LNPK: variants seen among roughly 807,000 people sequenced by gnomAD.
LNPK encodes lunapark, ER junction formation factor.
In LNPK, 29 loss-of-function variants were observed where a neutral mutation model predicts 55.2. The ratio of observed to expected loss-of-function variants is 0.53; its 90% CI spans 0.39 to 0.72. The LOEUF (loss-of-function observed/expected upper bound fraction) is 0.72, where lower values mean the gene tolerates loss of function less well. Among genes scored for constraint, LNPK ranks in the 30% least tolerant of loss-of-function variants. LNPK has a pLI of 0.00. For synonymous variants in LNPK, 162 were observed against 168.2 expected (o/e 0.96, Z 0.29); for missense variants, 467 against 494.8 (o/e 0.94, Z 0.53).
intron 1 of LNPK, among the ~76,000 whole-genome samples, chr2:175,997,707 G>A (rs908132534): frequency 7.7e-5 from 7 of 91,126 alleles, no homozygotes; most frequent in African/African-American, 2.2e-4. Context: ...CAAATGCTCT[G>A]TGTGTGTGTG....
At chr2:175,933,586 T>A (rs947303719) in intron 12 of LNPK, among the ~76,000 whole-genome samples, 2 of 152,136 alleles carry the variant, frequency 1.3e-5, no homozygotes, top group Non-Finnish European at 2.9e-5. Flanking sequence ...AACAAAGGTA[T>A]AAATTTCACC....
intron 10 of LNPK, among the ~76,000 whole-genome samples, chr2:175,939,206 T>TA (rs1456439326): frequency 6.6e-6 from 1 of 152,174 alleles, no homozygotes; most frequent in African/African-American, 2.4e-5. Context: ...AAAGTACTAC[T>TA]ATCACCAAGT....
At chr2:175,985,733 T>A (rs1345886846) in intron 4 of LNPK, among the ~76,000 whole-genome samples, 1 of 152,164 alleles carries the variant, frequency 6.6e-6, no homozygotes, top group Non-Finnish European at 1.5e-5. Flanking sequence ...ATTTATAAAT[T>A]AGGCATAGTA....
At chr2:175,962,907 C>T (rs1686121840) in intron 8 of LNPK, among the ~76,000 whole-genome samples, 1 of 150,244 alleles carries the variant, frequency 6.7e-6, no homozygotes, top group African/African-American at 2.5e-5. Flanking sequence ...CATGAACAGA[C>T]ACTTCTCAAA....
intron 12 of LNPK, 48 bp downstream of exon 12, chr2:175,937,296 T>C: frequency 6.5e-7 from 1 of 1,541,984 alleles, no homozygotes; most frequent in Non-Finnish European, 8.9e-7. Flanking sequence ...TTATTACTGT[T>C]AAATAACACA....
At chr2:175,960,197 C>G (rs1228492717) in intron 8 of LNPK, among the ~76,000 whole-genome samples, 2 of 152,150 alleles carry the variant, frequency 1.3e-5, no homozygotes, top group Non-Finnish European at 2.9e-5. Context: ...CTCAGCTCTG[C>G]ACCAAGCTGC....
chr2:175,930,275 AACACACACACACACACACACACACACAC>A (rs35338571), intron 12 of LNPK, 76 bp from the exon 13 acceptor site: 14 of 661,270 alleles, frequency 2.1e-5, no homozygotes, highest in South Asian at 3.7e-5. Flanking sequence ...AAAAAAGATA[AACACACACACACACACACACACACACAC>A]ACACACACAC....
chr2:175,935,159 A>C (rs1377523287), intron 12 of LNPK, among the ~76,000 whole-genome samples: 1 of 152,230 alleles, frequency 6.6e-6, no homozygotes, highest in Admixed American at 6.5e-5. Context: ...GTTTGGATGG[A>C]AGAAAGTTAT....
At chr2:175,943,920 T>C (rs1248431180) in intron 9 of LNPK, among the ~76,000 whole-genome samples, 1 of 152,110 alleles carries the variant, frequency 6.6e-6, no homozygotes, top group Non-Finnish European at 1.5e-5. Flanking sequence ...TACTGAAGGT[T>C]ATAGCTCATA....
intron 8 of LNPK, among the ~76,000 whole-genome samples, chr2:175,962,802 C>T (rs1453383429): frequency 7.2e-5 from 11 of 151,950 alleles, no homozygotes; most frequent in African/African-American, 2.7e-4. Context: ...TGCAATCTAC[C>T]CATCTGACAA....
chr2:175,928,418 G>A lies in LNPK; in HGVS notation c.*1549C>T, dbSNP rs552189180. On this transcript the variant is annotated 3_prime_UTR_variant, in exon 13 of 13. Coordinates refer to ENST00000272748, the MANE Select transcript of LNPK (RefSeq NM_030650.3). ...GTGAGTTTATAGGTGACTTGCCCAA[G>A]ACTACAGACCTGAAATTTAAGCCCA... The A allele has an allele frequency of 5.5e-5, 8 of 145,032 alleles. No homozygotes were observed. In the South Asian group the frequency reaches 6.6e-4, roughly 12 times the overall value. The allele number at this position is 145,032 out of a possible 1,614,324, so 9.0% of individuals were successfully genotyped here.
chr2:175,955,387 A>T (rs1192605288), intron 8 of LNPK, among the ~76,000 whole-genome samples: 1 of 152,202 alleles, frequency 6.6e-6, no homozygotes. Flanking sequence ...AACCACCTTG[A>T]TAGTAGATCC....
intron 5 of LNPK, among the ~76,000 whole-genome samples, chr2:175,975,956 T>C (rs533411106): frequency 7.2e-5 from 11 of 152,300 alleles, no homozygotes; most frequent in African/African-American, 2.6e-4. Context: ...GATGTTGCAG[T>C]GACCTGAGAT....
intron 6 of LNPK, among the ~76,000 whole-genome samples, chr2:175,965,357 T>A (rs1686272739): frequency 6.6e-6 from 1 of 152,336 alleles, no homozygotes; most frequent in East Asian, 1.9e-4. Context: ...TAGTAAAGTA[T>A]CACTAGCAGT....
At position 175,929,909 on chromosome 2, in the gene LNPK, C is replaced by A; in HGVS notation, c.*58G>T. ...AAAAAAGTAAGTGCCACCGAAAAAG[C>A]AATAACTGACATCAGTAAGACTATA... On this transcript the variant is annotated 3_prime_UTR_variant, in exon 13 of 13. Coordinates refer to ENST00000272748, the MANE Select transcript of LNPK (RefSeq NM_030650.3). 1 of 1,598,132 alleles carries A rather than the reference C, an allele frequency of 6.3e-7. No homozygotes were observed. The highest frequency in any genetic ancestry group is 8.5e-7 in the Non-Finnish European group (1 of 1,171,414).
At chr2:175,965,591 T>C (rs2105633864) in intron 6 of LNPK, among the ~76,000 whole-genome samples, 1 of 152,316 alleles carries the variant, frequency 6.6e-6, no homozygotes, top group Admixed American at 6.5e-5. Flanking sequence ...GAGTTAAAAA[T>C]ATGCTGCCAC....
chr2:175,990,321 CT>C (rs892745731), intron 4 of LNPK, among the ~76,000 whole-genome samples: 1 of 152,142 alleles, frequency 6.6e-6, no homozygotes, highest in Non-Finnish European at 1.5e-5. Context: ...GGCACCTCCC[CT>C]ATCTCTTGCT....
At chr2:175,959,913 T>C (rs1685919248) in intron 8 of LNPK, among the ~76,000 whole-genome samples, 1 of 151,856 alleles carries the variant, frequency 6.6e-6, no homozygotes, top group Non-Finnish European at 1.5e-5. Context: ...GTTACAATTC[T>C]AGTCTGTGAG....
chr2:175,976,861 C>G (rs1686935833), intron 5 of LNPK, among the ~76,000 whole-genome samples: 1 of 152,170 alleles, frequency 6.6e-6, no homozygotes, highest in African/African-American at 2.4e-5. Flanking sequence ...AACTGCAGAT[C>G]CTGGGACTTC....
Sources: gnomAD v4.1 joint callset for allele counts (sites outside exome capture counted in the v4.1 genomes callset) on GRCh38, gnomAD v4.1.1 for gene constraint, MANE v1.5 for transcripts, NCBI Gene and HGNC (gene_info 2026-07-23, HGNC 2026-07-21) for gene names.